EPHA7: variants seen among roughly 807,000 people sequenced by gnomAD.
EPHA7 encodes the protein ephrin type-A receptor 7.
A neutral mutation model predicts 112.6 loss-of-function variants in EPHA7; 25 were observed. That is an observed-to-expected ratio of 0.22 (90% CI 0.16 to 0.31). The LOEUF is 0.31. Among genes scored for constraint, EPHA7 ranks in the 10% least tolerant of loss-of-function variants. The pLI is 1.00. For synonymous variants in EPHA7, 437 were observed against 406.5 expected (o/e 1.07, Z -0.90); for missense variants, 962 against 1,212.6 (o/e 0.79, Z 3.07).
rs2127995058 is a variant in EPHA7, at chr6:93,411,156, A to G, written c.177T>C (p.Ser59=). The change falls in exon 3 of 17, where the codon AGT becomes AGC. Residue 59 remains serine (S), a synonymous_variant. Coordinates refer to ENST00000369303, the MANE Select transcript of EPHA7 (RefSeq NM_004440.4). ...TCGGGGTATAGTTCTCATCCAAACC[A>G]CTAATTTCTTCCCACTGTAAAATTT... ...SSPPNGWEEI[S]GLDENYTPIR... The G allele has an allele frequency of 1.9e-6, 3 of 1,605,860 alleles. No individual in the cohort carries two copies. Among genetic ancestry groups the G allele is most frequent in the African/African-American group, 1.3e-5 (1 of 74,678 alleles).
rs1769636587 is a variant in EPHA7, at chr6:93,240,290, C to T, written c.*3136G>A. On this transcript the variant is annotated 3_prime_UTR_variant, in exon 17 of 17. Coordinates refer to ENST00000369303, the MANE Select transcript of EPHA7 (RefSeq NM_004440.4). ...CATCAGTAATTTATTTGAACATGCA[C>T]ATCAGTGAGTAGCATAGTTCTAGGC... 1 of 226,662 alleles carries T rather than the reference C, an allele frequency of 4.4e-6. No individual in the cohort carries two copies. The highest frequency in any genetic ancestry group is 8.8e-6 in the Non-Finnish European group (1 of 113,938). The allele number at this position is 226,662 out of a possible 1,614,324, so 14.0% of individuals were successfully genotyped here. A position where few individuals can be genotyped will look rare whatever the true frequency, so the allele number is the denominator to read the frequency against.
chr6:93,377,375 A>G (rs1285964104), intron 3 of EPHA7, among the ~76,000 whole-genome samples: 1 of 152,130 alleles, frequency 6.6e-6, no homozygotes, highest in Admixed American at 6.5e-5. Flanking sequence ...CAAAATAAAT[A>G]ATGGTTATTG....
intron 14 of EPHA7, among the ~76,000 whole-genome samples, chr6:93,252,357 T>G (rs1374293109): frequency 1.3e-5 from 2 of 151,948 alleles, no homozygotes; most frequent in African/African-American, 2.4e-5. Flanking sequence ...AGTTAATTGG[T>G]TCACTTGATA....
intron 5 of EPHA7, among the ~76,000 whole-genome samples, chr6:93,333,775 A>C (rs1774720945): frequency 6.6e-6 from 1 of 152,058 alleles, no homozygotes; most frequent in South Asian, 2.1e-4. Context: ...ATTACTAAAC[A>C]CTGCTGAAAG....
chr6:93,275,359 T>A (rs913246883), intron 5 of EPHA7, among the ~76,000 whole-genome samples: 1 of 151,946 alleles, frequency 6.6e-6, no homozygotes, highest in African/African-American at 2.4e-5. Flanking sequence ...ACAGAGCTTT[T>A]TGAACATAAA....
At chr6:93,401,213 C>A (rs2127989085) in intron 3 of EPHA7, among the ~76,000 whole-genome samples, 1 of 152,110 alleles carries the variant, frequency 6.6e-6, no homozygotes, top group Middle Eastern at 3.4e-3. Flanking sequence ...ACTTAAATGA[C>A]TAAATAACAT....
chr6:93,336,264 G>A (rs1301300513), intron 5 of EPHA7, among the ~76,000 whole-genome samples: 1 of 152,098 alleles, frequency 6.6e-6, no homozygotes, highest in African/African-American at 2.4e-5. Context: ...CAGAAAACGA[G>A]GCAAATGCAA....
chr6:93,419,211 A>G (rs1779406703), intron 1 of EPHA7, 34 bp downstream of exon 1: 1 of 1,567,480 alleles, frequency 6.4e-7, no homozygotes, highest in Non-Finnish European at 8.8e-7. Context: ...TAAATAAATA[A>G]GTCAGAACAA....
rs376572695 is a variant in EPHA7 at position 93,417,032 on chromosome 6, G to A, written c.97+2213C>T. On this transcript the variant is annotated intron_variant, in intron 1 of 16. Transcript: ENST00000369303. ...AGGAGAGTGGCTTTCGGGAAGAGGA[G>A]AGTGGCTTTCGGGAAGCATCTCCTC... 1.4e-4 allele frequency among the ~76,000 whole-genome samples: 21 copies of A among 151,710 alleles called. No individual in the cohort carries two copies. In the East Asian group the frequency reaches 2.7e-3, roughly 20 times the overall value.
chr6:93,353,654 T>G (rs1022352983), intron 5 of EPHA7, among the ~76,000 whole-genome samples: 1 of 152,164 alleles, frequency 6.6e-6, no homozygotes, highest in African/African-American at 2.4e-5. Context: ...AGCATTTTTA[T>G]GGCAATGTAT....
At position 93,306,078 on chromosome 6, in the gene EPHA7, A is replaced by G. The variant is rs144694713; in HGVS notation, c.1325-33656T>C. 5.0e-3 allele frequency among the ~76,000 whole-genome samples: 762 copies of G among 152,108 alleles called. 12 individuals carry two copies. The highest frequency in any genetic ancestry group is 0.018 in the African/African-American group (735 of 41,556). On this transcript the variant is annotated intron_variant, in intron 5 of 16. Coordinates refer to ENST00000369303, the MANE Select transcript of EPHA7 (RefSeq NM_004440.4). ...GAAAATCACTATTTATGCAAGAATCATACTTACTTGAACTAAATTAGTCCA... is the reference window on the plus strand; with the variant it reads ...GAAAATCACTATTTATGCAAGAATCGTACTTACTTGAACTAAATTAGTCCA...
At chr6:93,320,078 G>A (rs911827080) in intron 5 of EPHA7, among the ~76,000 whole-genome samples, 1 of 152,110 alleles carries the variant, frequency 6.6e-6, no homozygotes. Context: ...ACTCAGTGGT[G>A]AACTGTCTAG....
chr6:93,357,735 C>CCT (rs1776025983), intron 4 of EPHA7, among the ~76,000 whole-genome samples: 1 of 151,032 alleles, frequency 6.6e-6, no homozygotes, highest in Non-Finnish European at 1.5e-5. Flanking sequence ...CTCACTGCAA[C>CCT]CTCCGCCTCC....
Position 93,272,425 on chromosome 6 carries a change from G to A in EPHA7, c.1325-3C>T. ...TACTCCACTCACTTGCGAGGGAGCT[G>A]TTTGGACAAGATGTGTCAATAAACA... On this transcript the variant is annotated splice_polypyrimidine_tract_variant and splice_region_variant and intron_variant, in intron 5 of 16. Transcript: ENST00000369303. 6.2e-7 allele frequency: 1 copy of A among 1,611,288 alleles called. No homozygotes were observed. The highest frequency in any genetic ancestry group is 8.5e-7 in the Non-Finnish European group (1 of 1,178,144).
At chr6:93,299,080 A>T (rs1360452335) in intron 5 of EPHA7, among the ~76,000 whole-genome samples, 2 of 151,868 alleles carry the variant, frequency 1.3e-5, no homozygotes, top group South Asian at 2.1e-4. Context: ...TAATCCCAGC[A>T]CTTTGGGAGG....
rs182564689 is a variant in EPHA7 at position 93,403,188 on chromosome 6, A to T, written c.832+7313T>A. Among the ~76,000 whole-genome samples, 146 of 152,236 alleles carry T rather than the reference A, an allele frequency of 9.6e-4. 1 individual carries two copies. The highest frequency in any genetic ancestry group is 3.4e-3 in the African/African-American group (142 of 41,572). On this transcript the variant is annotated intron_variant, in intron 3 of 16. Transcript: ENST00000369303. ...CAGACTAGCCATATACAAGAAATTCAATTAATTGCATTGAAATTAATTTAA... is the reference window on the plus strand; with the variant it reads ...CAGACTAGCCATATACAAGAAATTCTATTAATTGCATTGAAATTAATTTAA...
chr6:93,304,981 C>G (rs1773178176), intron 5 of EPHA7, among the ~76,000 whole-genome samples: 1 of 152,026 alleles, frequency 6.6e-6, no homozygotes, highest in Non-Finnish European at 1.5e-5. Context: ...CACCCCATTT[C>G]TACTTCCATT....
rs1770588980 is a variant in EPHA7 at position 93,259,420 on chromosome 6, C to A, written c.1858G>T (p.Ala620Ser). The A allele has an allele frequency of 6.2e-7, 1 of 1,612,136 alleles. No individual in the cohort carries two copies. The change falls in exon 10 of 17, where the codon GCT becomes TCT. Residue 620 changes from alanine to serine, a missense_variant. Ala to Ser is a moderately conservative substitution (Grantham distance 99, BLOSUM62 1). This residue lies in a region of EPHA7 where 746 missense variants were observed against 889.2 expected (regional missense o/e 0.84). Transcript: ENST00000369303. ...DPETYEDPNR[A>S]VHQFAKELDA... ...AGCTCCTTGGCGAATTGATGGACAGCTCTATTTGGGTCCTCATAGGTTTCA... is the reference window on the plus strand; with the variant it reads ...AGCTCCTTGGCGAATTGATGGACAGATCTATTTGGGTCCTCATAGGTTTCA...
chr6:93,365,311 A>G (rs972664024), intron 3 of EPHA7, among the ~76,000 whole-genome samples: 12 of 152,232 alleles, frequency 7.9e-5, no homozygotes, highest in Non-Finnish European at 1.2e-4. Flanking sequence ...TTGTTGTAAA[A>G]TCTACATACA....
Sources: allele counts gnomAD v4.1 joint callset (sites outside exome capture counted in the v4.1 genomes callset), GRCh38; gene constraint gnomAD v4.1.1; regional missense constraint gnomAD v4.1.1; transcripts MANE v1.5; gene names NCBI Gene and HGNC (gene_info 2026-07-23, HGNC 2026-07-21).